RTL4: variants seen among roughly 807,000 people sequenced by gnomAD.
The protein encoded by RTL4 is retrotransposon Gag like 4.
A neutral mutation model predicts 5.3 loss-of-function variants in RTL4; 4 were observed. The ratio of observed to expected loss-of-function variants is 0.75; its 90% CI spans 0.37 to 1.72. The LOEUF (loss-of-function observed/expected upper bound fraction) is 1.72, where lower values mean the gene tolerates loss of function less well. Ranked by LOEUF, RTL4 falls within the 40% of genes most tolerant of loss-of-function variation. The probability of loss-of-function intolerance (pLI) is 0.04; values close to 1 mark genes in which losing one functional copy is unlikely to be tolerated. For synonymous variants in RTL4, 98 were observed against 87.3 expected, an observed-to-expected ratio of 1.12 and a Z score of -0.68; for missense variants, 260 against 227.1, an observed-to-expected ratio of 1.14 and a Z score of -0.93.
chrX:112,430,177 T>C, the RTL4 span, among the ~76,000 whole-genome samples: 1 of 111,477 alleles, frequency 9.0e-6, no homozygotes, highest in Non-Finnish European at 1.9e-5. Context: ...TCTCATTACA[T>C]AGGTGTTATG....
chrX:112,453,917 C>A (rs1410261347), upstream of RTL4, among the ~76,000 whole-genome samples: 2 of 111,449 alleles, frequency 1.8e-5, no homozygotes, highest in Non-Finnish European at 3.8e-5. Flanking sequence ...CATTTACGGT[C>A]TTGGGGGAAG....
chrX:112,330,162 C>T, the RTL4 span, among the ~76,000 whole-genome samples: 198 of 100,228 alleles, frequency 2.0e-3, 1 homozygote, highest in African/African-American at 6.7e-3. Context: ...CTGGCCAGGG[C>T]AATTAGGCAG....
chrX:112,199,424 C>T, the RTL4 span, among the ~76,000 whole-genome samples: 2 of 111,068 alleles, frequency 1.8e-5, no homozygotes, highest in Non-Finnish European at 3.8e-5. Context: ...TGAAAGGCAC[C>T]AGTAAGGCCT....
At chrX:112,340,239 ATTGCCCCTTTGCTTTCTCTCCATGAACAC>A in the RTL4 span, among the ~76,000 whole-genome samples, 2 of 112,153 alleles carry the variant, frequency 1.8e-5, no homozygotes, top group Admixed American at 1.9e-4. Flanking sequence ...TGTTATCCAA[ATTGCCCCTTTGCTTTCTCTCCATGAACAC>A]AGTCCTAGCC....
At chrX:112,221,859 T>C in the RTL4 span, among the ~76,000 whole-genome samples, 1 of 112,689 alleles carries the variant, frequency 8.9e-6, no homozygotes. Flanking sequence ...TTACTTTCAT[T>C]GTTTGGATGG....
the RTL4 span, among the ~76,000 whole-genome samples, chrX:112,345,546 C>T: frequency 9.0e-6 from 1 of 111,226 alleles, no homozygotes; most frequent in South Asian, 3.8e-4. Flanking sequence ...TGTATGCTGC[C>T]CTCCTACTTA....
chrX:112,328,106 C>G, the RTL4 span, among the ~76,000 whole-genome samples: 2 of 108,359 alleles, frequency 1.8e-5, no homozygotes, highest in East Asian at 5.8e-4. Context: ...AACTAACGAG[C>G]AAAATACCCA....
the RTL4 span, among the ~76,000 whole-genome samples, chrX:112,374,515 T>C: frequency 8.9e-6 from 1 of 112,253 alleles, no homozygotes; most frequent in Middle Eastern, 4.6e-3. Flanking sequence ...AATTAGGTTA[T>C]CATTTTTCCA....
the RTL4 span, among the ~76,000 whole-genome samples, chrX:112,448,856 A>C: frequency 8.9e-6 from 1 of 112,059 alleles, no homozygotes; most frequent in Non-Finnish European, 1.9e-5. Flanking sequence ...GATGGGATGA[A>C]ATGATGAATA....
At chrX:112,133,036 T>C in the RTL4 span, among the ~76,000 whole-genome samples, 5 of 112,298 alleles carry the variant, frequency 4.5e-5, no homozygotes, top group Non-Finnish European at 9.4e-5. Flanking sequence ...TTAAAACTCT[T>C]GTATTCCACT....
At chrX:112,277,814 C>G in the RTL4 span, among the ~76,000 whole-genome samples, 28 of 111,937 alleles carry the variant, frequency 2.5e-4, no homozygotes, top group Non-Finnish European at 4.5e-4. Flanking sequence ...AAACAGCTGA[C>G]AGCTTGAATA....
the RTL4 span, among the ~76,000 whole-genome samples, chrX:112,303,191 A>G: frequency 8.9e-6 from 1 of 111,869 alleles, no homozygotes; most frequent in East Asian, 2.8e-4. Context: ...ATGTATGTTC[A>G]TTGCAGTTTA....
At chrX:112,434,570 G>A in the RTL4 span, among the ~76,000 whole-genome samples, 10 of 111,121 alleles carry the variant, frequency 9.0e-5, no homozygotes, top group South Asian at 3.8e-4. Context: ...CTGTGGGATC[G>A]GTGGTGATAT....
chrX:112,424,074 G>C, the RTL4 span, among the ~76,000 whole-genome samples: 4 of 111,478 alleles, frequency 3.6e-5, no homozygotes, highest in Non-Finnish European at 7.6e-5. Context: ...TCCCCTCATA[G>C]AGTAATCAGA....
the RTL4 span, among the ~76,000 whole-genome samples, chrX:112,307,359 A>G: frequency 0.29 from 32,376 of 110,988 alleles, 4,218 homozygotes; most frequent in African/African-American, 0.48. Context: ...AAGACTCACA[A>G]CCAGGTCTTT....
At chrX:112,234,910 C>T in the RTL4 span, among the ~76,000 whole-genome samples, 1 of 111,561 alleles carries the variant, frequency 9.0e-6, no homozygotes, top group Admixed American at 9.5e-5. Context: ...GGTCTGATGA[C>T]TGCTTCTATT....
chrX:112,455,744 G>A lies in RTL4; in HGVS notation c.*83G>A, dbSNP rs950334122. On this transcript the variant is annotated 3_prime_UTR_variant, in exon 1 of 1. Coordinates refer to ENST00000340433, the Ensembl canonical transcript of RTL4. ...CTGCATTAACTTTTAAAATACAGAT[G>A]GGGAACTGTGACACCACTTTATAGG... 1.4e-5 allele frequency: 13 copies of A among 910,594 alleles called. No homozygotes were observed. In the African/African-American group the frequency reaches 2.0e-4, roughly 14 times the overall value. 75.0% of individuals were successfully genotyped at this position (910,594 alleles called of 1,213,427 possible).
chrX:112,106,198 A>T, the RTL4 span, among the ~76,000 whole-genome samples: 18,499 of 111,491 alleles, frequency 0.17, 2,320 homozygotes, highest in African/African-American at 0.43. Context: ...TGTTGCATCA[A>T]CCTTGAATTC....
At chrX:112,250,015 G>A in the RTL4 span, among the ~76,000 whole-genome samples, 5 of 110,803 alleles carry the variant, frequency 4.5e-5, no homozygotes, top group Admixed American at 1.9e-4. Flanking sequence ...AGTGGCTCAC[G>A]CCTGTAATCC....
Sources: gnomAD v4.1 joint callset for allele counts (sites outside exome capture counted in the v4.1 genomes callset) on GRCh38, gnomAD v4.1.1 for gene constraint, MANE v1.5 for transcripts, NCBI Gene and HGNC (gene_info 2026-07-23, HGNC 2026-07-21) for gene names.